The following SLC1A2 variants were observed in gnomAD, a reference collection of about 807,000 sequenced individuals.
SLC1A2 encodes solute carrier family 1 member 2, also known as excitatory amino acid transporter 2.
In SLC1A2, 15 loss-of-function variants were observed where a neutral mutation model predicts 48.8. The ratio of observed to expected loss-of-function variants is 0.31; its 90% CI spans 0.21 to 0.47. SLC1A2 has a LOEUF of 0.47. SLC1A2 is among the 20% of genes least tolerant of loss of function. The pLI, the probability that SLC1A2 is intolerant of heterozygous loss-of-function variation, is 0.99. For missense variants in SLC1A2, 502 were observed against 730.5 expected (o/e 0.69, Z 3.61); for synonymous variants, 279 against 272.6 (o/e 1.02, Z -0.23).
At chr11:35,414,885 C>A (rs755864060) in intron 1 of SLC1A2, among the ~76,000 whole-genome samples, 1 of 152,202 alleles carries the variant, frequency 6.6e-6, no homozygotes, top group Non-Finnish European at 1.5e-5. Context: ...AAGAGGCAAG[C>A]CAGTCCAATG....
chr11:35,299,672 A>G (rs1384177953), intron 6 of SLC1A2: 1 of 152,020 alleles, frequency 6.6e-6, no homozygotes, highest in East Asian at 1.9e-4. Context: ...TTTAGTAACA[A>G]TTGACTACAG....
intron 7 of SLC1A2, 52 bp downstream of exon 7, chr11:35,292,235 A>T: frequency 1.5e-6 from 2 of 1,316,448 alleles, no homozygotes; most frequent in African/African-American, 1.5e-5. Context: ...GAGAAATGGC[A>T]AAGAGGGCAA....
At position 35,260,674 on chromosome 11, in the gene SLC1A2, A is replaced by G. The variant is rs558889255; in HGVS notation, c.*220T>C. The G allele has an allele frequency of 1.9e-6, 1 of 531,006 alleles. No homozygotes were observed. Among genetic ancestry groups the G allele is most frequent in the East Asian group, 3.2e-5 (1 of 31,408 alleles). The allele number at this position is 531,006 out of a possible 1,614,324, so 32.9% of individuals were successfully genotyped here. On this transcript the variant is annotated 3_prime_UTR_variant, in exon 11 of 11. Transcript: ENST00000278379. ...CAGCATCCATTCAAATAATAATACAAGTGAGAAAATTAGACGGTTATAAAG... is the reference window on the plus strand; with the variant it reads ...CAGCATCCATTCAAATAATAATACAGGTGAGAAAATTAGACGGTTATAAAG...
intron 4 of SLC1A2, among the ~76,000 whole-genome samples, chr11:35,310,250 C>A (rs1349822397): frequency 6.6e-6 from 1 of 152,200 alleles, no homozygotes; most frequent in Non-Finnish European, 1.5e-5. Flanking sequence ...CAATCTACTA[C>A]CAGCTCAGCC....
At chr11:35,384,922 AT>A (rs1854539659) in intron 1 of SLC1A2, among the ~76,000 whole-genome samples, 1 of 152,220 alleles carries the variant, frequency 6.6e-6, no homozygotes, top group Non-Finnish European at 1.5e-5. Context: ...TCCCTACACA[AT>A]TGTGTACCCA....
chr11:35,364,140 A>G (rs1459856945), intron 1 of SLC1A2, among the ~76,000 whole-genome samples: 1 of 152,194 alleles, frequency 6.6e-6, no homozygotes, highest in Admixed American at 6.5e-5. Context: ...GGGAGAGAAG[A>G]CACTCCCTGC....
At chr11:35,399,086 A>T (rs1308398653) in intron 1 of SLC1A2, among the ~76,000 whole-genome samples, 1 of 152,184 alleles carries the variant, frequency 6.6e-6, no homozygotes, top group African/African-American at 2.4e-5. Context: ...CCTGCCAGTT[A>T]CTCACAAAAT....
chr11:35,319,513 C>A (rs1430229374), intron 1 of SLC1A2, among the ~76,000 whole-genome samples: 2 of 152,156 alleles, frequency 1.3e-5, no homozygotes, highest in African/African-American at 4.8e-5. Flanking sequence ...ATCCCTCCTG[C>A]CATTGAAATG....
At chr11:35,303,605 A>G (rs1235209889) in intron 5 of SLC1A2, among the ~76,000 whole-genome samples, 1 of 152,184 alleles carries the variant, frequency 6.6e-6, no homozygotes, top group African/African-American at 2.4e-5. Flanking sequence ...TACTTGGTTA[A>G]TTTCATTTGA....
intron 1 of SLC1A2, among the ~76,000 whole-genome samples, chr11:35,382,995 C>T (rs1333494019): frequency 6.6e-6 from 1 of 152,134 alleles, no homozygotes; most frequent in Non-Finnish European, 1.5e-5. Context: ...AGAAAATTAT[C>T]AGACATATAG....
At chr11:35,375,832 T>C (rs1854208427) in intron 1 of SLC1A2, among the ~76,000 whole-genome samples, 1 of 152,236 alleles carries the variant, frequency 6.6e-6, no homozygotes, top group Admixed American at 6.5e-5. Context: ...ACACACTTCA[T>C]ACTTCTACTT....
chr11:35,306,142 T>G lies in SLC1A2; in HGVS notation c.662A>C (p.Glu221Ala). 6.2e-7 allele frequency: 1 copy of G among 1,614,042 alleles called. No homozygotes were observed. The change falls in exon 5 of 11, where the codon GAG (glutamate) becomes GCG (alanine). Residue 221 changes from glutamate to alanine, a missense_variant. Glu to Ala is a moderately radical substitution (Grantham distance 107). This residue lies in a region of SLC1A2 where 309 missense variants were observed against 480.3 expected (regional missense o/e 0.64). Transcript: ENST00000278379. ...AACCATCTTAGTCTCCTCCGGCACCTCAGTCACAGTCTCGTTCAACAGAGA... is the reference window on the plus strand; with the variant it reads ...AACCATCTTAGTCTCCTCCGGCACCGCAGTCACAGTCTCGTTCAACAGAGA... Reference protein sequence around the residue: ...VVSLLNETVTEVPEETKMVIK... With the variant: ...VVSLLNETVTAVPEETKMVIK...
chr11:35,387,962 T>C (rs1368483973), intron 1 of SLC1A2, among the ~76,000 whole-genome samples: 1 of 152,364 alleles, frequency 6.6e-6, no homozygotes, highest in East Asian at 1.9e-4. Flanking sequence ...CAACTAATCG[T>C]TACTACAACC....
chr11:35,321,314 G>T (rs2134929276), intron 1 of SLC1A2, among the ~76,000 whole-genome samples: 1 of 152,274 alleles, frequency 6.6e-6, no homozygotes, highest in Non-Finnish European at 1.5e-5. Context: ...CAAGGGTGGA[G>T]GAGAAGGATA....
At chr11:35,392,712 G>A (rs1209871435) in intron 1 of SLC1A2, among the ~76,000 whole-genome samples, 8 of 152,148 alleles carry the variant, frequency 5.3e-5, no homozygotes, top group Non-Finnish European at 1.2e-4. Flanking sequence ...GGAATGCCCC[G>A]AGTCCTCCTC....
intron 6 of SLC1A2, 91 bp downstream of exon 6, chr11:35,301,427 CA>C: frequency 1.6e-6 from 2 of 1,241,308 alleles, no homozygotes; most frequent in Non-Finnish European, 2.3e-6. Flanking sequence ...CAGCCCATGC[CA>C]ACTTTTTCCT....
In SLC1A2 at chr11:35,260,677, G is replaced by A. The variant is rs16927202; in HGVS notation, c.*217C>T. On this transcript the variant is annotated 3_prime_UTR_variant, in exon 11 of 11. Transcript: ENST00000278379. ...CATCCATTCAAATAATAATACAAGT[G>A]AGAAAATTAGACGGTTATAAAGCAT... 16 of 530,360 alleles carry A rather than the reference G, an allele frequency of 3.0e-5. No homozygotes were observed. The highest frequency in any genetic ancestry group is 1.6e-4 in the Admixed American group (5 of 30,488). 32.9% of individuals were successfully genotyped at this position (530,360 alleles called of 1,614,324 possible). A position where few individuals can be genotyped will look rare whatever the true frequency, so the allele number is the denominator to read the frequency against.
At chr11:35,264,243 T>A (rs912221561) in intron 10 of SLC1A2, 3 of 152,234 alleles carry the variant, frequency 2.0e-5, no homozygotes, top group Non-Finnish European at 4.4e-5. Flanking sequence ...TCTGGACCTA[T>A]GTTACAATCC....
intron 2 of SLC1A2, 23 bp downstream of exon 2, chr11:35,317,354 G>A (rs1364762810): frequency 1.2e-6 from 2 of 1,607,598 alleles, no homozygotes; most frequent in South Asian, 2.2e-5. Context: ...GGGGGCTGGG[G>A]GTGGGGTAGT....
Sources: allele counts gnomAD v4.1 joint callset (sites outside exome capture counted in the v4.1 genomes callset), GRCh38; gene constraint gnomAD v4.1.1; regional missense constraint gnomAD v4.1.1; transcripts MANE v1.5; gene names NCBI Gene and HGNC (gene_info 2026-07-23, HGNC 2026-07-21).